APOA5: variants seen among roughly 807,000 people sequenced by gnomAD.
The protein encoded by APOA5 is apolipoprotein A-V.
In APOA5, 26 loss-of-function variants were observed where a neutral mutation model predicts 31.8. That is an observed-to-expected ratio of 0.82 (90% CI 0.60 to 1.13). APOA5 has a LOEUF of 1.13. APOA5 is among the 50% of genes most tolerant of loss of function. The pLI is 0.00. For missense variants in APOA5, 450 were observed against 488.0 expected, an observed-to-expected ratio of 0.92 and a Z score of 0.73; for synonymous variants, 186 against 198.5, an observed-to-expected ratio of 0.94 and a Z score of 0.53.
chr11:116,789,554 C>CATTATAAAA lies in APOA5; in HGVS notation c.*573_*574insTTTTATAAT. The CATTATAAAA allele has an allele frequency of 1.2e-5, 2 of 171,766 alleles. No individual in the cohort carries two copies. The highest frequency in any genetic ancestry group is 2.5e-5 in the Non-Finnish European group (2 of 79,218). The allele number at this position is 171,766 out of a possible 1,614,324, so 10.6% of individuals were successfully genotyped here. A position where few individuals can be genotyped will look rare whatever the true frequency, so the allele number is the denominator to read the frequency against. Reference sequence around the variant, plus strand: ...TATGTCAGGAAACATGGGCTCTGCCCTCTCCTATCACAGCCCACACCTTTC... The same window carrying CATTATAAAA: ...TATGTCAGGAAACATGGGCTCTGCCCATTATAAAATCTCCTATCACAGCCCACACCTTTC... On this transcript the variant is annotated 3_prime_UTR_variant, in exon 3 of 3. Coordinates refer to ENST00000227665, the MANE Select transcript of APOA5 (RefSeq NM_001371904.1).
In APOA5 at chr11:116,790,454, T is replaced by C. The variant is rs758216033; in HGVS notation, c.775A>G (p.Arg259Gly). 8.1e-6 allele frequency: 13 copies of C among 1,604,086 alleles called. No individual in the cohort carries two copies. Among genetic ancestry groups the C allele is most frequent in the South Asian group, 1.1e-5 (1 of 91,082 alleles). ...TCAGTCCCAGTGCCTGCAAAGGCTC[T>C]GCTGAGCTCTTCGCGCAGCTGGTCC... ...NLDQLREELS[R>G]AFAGTGTEEG... Residue 259 changes from arginine to glycine, a missense_variant, in exon 3 of 3, where the codon AGA (arginine) becomes GGA (glycine). Coordinates refer to ENST00000227665, the MANE Select transcript of APOA5 (RefSeq NM_001371904.1).
chr11:116,790,449 G>T lies in APOA5; in HGVS notation c.780C>A (p.Ala260=). The change falls in exon 3 of 3, where the codon GCC becomes GCA. Residue 260 remains alanine (A), a synonymous_variant. Transcript: ENST00000227665. ...CTTCCTCAGTCCCAGTGCCTGCAAA[G>T]GCTCTGCTGAGCTCTTCGCGCAGCT... is the stretch of plus-strand genomic sequence containing the variant. The part of the protein sequence containing the change: ...LDQLREELSR[A]FAGTGTEEGA... 1.2e-6 allele frequency: 2 copies of T among 1,604,432 alleles called. No individual in the cohort carries two copies. Among genetic ancestry groups the T allele is most frequent in the Non-Finnish European group, 1.7e-6 (2 of 1,179,968 alleles).
chr11:116,789,748 A>T lies in APOA5; in HGVS notation c.*380T>A. 3 of 344,928 alleles carry T rather than the reference A, an allele frequency of 8.7e-6. No homozygotes were observed. The highest frequency in any genetic ancestry group is 7.8e-5 in the South Asian group (3 of 38,248). 21.4% of individuals were successfully genotyped at this position (344,928 alleles called of 1,614,324 possible). ...TAGCAGTGGCCACCAGGCAGCCAGA[A>T]GTGACTAGAGCCAAACTCCAGGATG... On this transcript the variant is annotated 3_prime_UTR_variant, in exon 3 of 3. Transcript: ENST00000227665.
rs1365337213 is a variant in APOA5, at chr11:116,791,635, TG to T, written c.111del (p.Asp37GlufsTer20). On this transcript the variant is annotated frameshift_variant, in exon 2 of 3. Transcript: ENST00000227665. LOFTEE classifies it high-confidence loss of function. ...FWDYFSQTSG[D>X]KGRVEQIHQQ... ...TGATGGATCTGCTCCACCCTGCCTT[TG>T]TCCCCGCTGGTCTGGCTGAAGTAGT... 1.2e-6 allele frequency: 2 copies of T among 1,610,348 alleles called. No homozygotes were observed. The highest frequency in any genetic ancestry group is 1.7e-5 in the Admixed American group (1 of 59,642).
chr11:116,790,169 T>G lies in APOA5; in HGVS notation c.1060A>C (p.Ser354Arg). Residue 354 changes from serine to arginine, a missense_variant, in exon 3 of 3, where the codon AGC becomes CGC. Coordinates refer to ENST00000227665, the MANE Select transcript of APOA5 (RefSeq NM_001371904.1). ...LDDLWEDITH[S>R]LHDQGHSHLG... ...TGGCTGTGGCCCTGGTCATGAAGGC[T>G]GTGAGTGATGTCTTCCCACAGGTCA... 1 of 1,614,216 alleles carries G rather than the reference T, an allele frequency of 6.2e-7. No individual in the cohort carries two copies. Among genetic ancestry groups the G allele is most frequent in the Non-Finnish European group, 8.5e-7 (1 of 1,180,024 alleles).
At chr11:116,791,565 C>A (rs765694428) in intron 2 of APOA5, 21 bp downstream of exon 2, 4 of 1,582,940 alleles carry the variant, frequency 2.5e-6, no homozygotes, top group Non-Finnish European at 3.4e-6. Context: ...TTCGCCTACA[C>A]CCCTTCCCCT....
At chr11:116,791,520 C>A in intron 2 of APOA5, 66 bp downstream of exon 2, 5 of 1,451,568 alleles carry the variant, frequency 3.4e-6, no homozygotes, top group Non-Finnish European at 3.8e-6. Context: ...GCAGCAGAGG[C>A]AGGTCATCAT....
At position 116,790,394 on chromosome 11, in the gene APOA5, C is replaced by T. The variant is rs1017355725; in HGVS notation, c.835G>A (p.Glu279Lys). 1.9e-6 allele frequency: 3 copies of T among 1,610,506 alleles called. No homozygotes were observed. Among genetic ancestry groups the T allele is most frequent in the Admixed American group, 1.7e-5 (1 of 60,010 alleles). ...GAGPDPQMLS[E>K]EVRQRLQAFR... ...GCCTGAAGTCGCTGGCGCACCTCCT[C>T]GGAGAGCATCTGGGGGTCCGGGCCG... The change falls in exon 3 of 3, where the codon GAG (glutamate) becomes AAG (lysine). Residue 279 changes from glutamate to lysine, a missense_variant. By Grantham distance (56) the Glu-to-Lys change is moderately conservative. Coordinates refer to ENST00000227665, the MANE Select transcript of APOA5 (RefSeq NM_001371904.1).
At position 116,791,362 on chromosome 11, in the gene APOA5, C is replaced by A. The variant is rs1259933789; in HGVS notation, c.161+224G>T. On this transcript the variant is annotated intron_variant, in intron 2 of 2. Coordinates refer to ENST00000227665, the MANE Select transcript of APOA5 (RefSeq NM_001371904.1). ...CTCCCGATTGATCCCAGGTCCCGCG[C>A]CTCAGTGAGCAAGGGGGCAACAGCT... 14 of 704,092 alleles carry A rather than the reference C, an allele frequency of 2.0e-5. No homozygotes were observed. The East Asian group carries it at 3.5e-4, about 18-fold the overall frequency. 43.6% of individuals were successfully genotyped at this position (704,092 alleles called of 1,614,324 possible).
In APOA5 at chr11:116,790,028, T is replaced by A; in HGVS notation, c.*100A>T. ...CTGTCCTGCACAGGACCTTCCACCC[T>A]CCACCCAACAGGCCACTTTCAAGGA... is the stretch of plus-strand genomic sequence containing the variant. On this transcript the variant is annotated 3_prime_UTR_variant, in exon 3 of 3. Coordinates refer to ENST00000227665, the MANE Select transcript of APOA5 (RefSeq NM_001371904.1). 7.5e-7 allele frequency: 1 copy of A among 1,340,252 alleles called. No individual in the cohort carries two copies. The highest frequency in any genetic ancestry group is 1.0e-6 in the Non-Finnish European group (1 of 956,678). 83.0% of individuals were successfully genotyped at this position (1,340,252 alleles called of 1,614,324 possible).
At position 116,789,868 on chromosome 11, in the gene APOA5, T is replaced by C. The variant is rs1940960991; in HGVS notation, c.*260A>G. 3.5e-6 allele frequency: 2 copies of C among 567,940 alleles called. No individual in the cohort carries two copies. Among genetic ancestry groups the C allele is most frequent in the South Asian group, 2.0e-5 (1 of 49,674 alleles). 35.2% of individuals were successfully genotyped at this position (567,940 alleles called of 1,614,324 possible). A position where few individuals can be genotyped will look rare whatever the true frequency, so the allele number is the denominator to read the frequency against. On this transcript the variant is annotated 3_prime_UTR_variant, in exon 3 of 3. Transcript: ENST00000227665. ...CCCTCCCTACTCCCTCACCCTTGAATGGAGTAACTCATGAGCATTCCCAAA... is the reference window on the plus strand; with the variant it reads ...CCCTCCCTACTCCCTCACCCTTGAACGGAGTAACTCATGAGCATTCCCAAA...
upstream of APOA5, chr11:116,792,328 C>T (rs1399755884): frequency 1.8e-5 from 5 of 275,084 alleles, no homozygotes; most frequent in Non-Finnish European, 2.9e-5. Flanking sequence ...AGGCCACCTG[C>T]AATGCCCTCC....
At chr11:116,791,175 C>T (rs1941004176) in intron 2 of APOA5, 108 bp from the exon 3 acceptor site, 2 of 1,044,398 alleles carry the variant, frequency 1.9e-6, no homozygotes, top group Non-Finnish European at 2.9e-6. Context: ...GGACGCAGGG[C>T]GTTGGCCCCA....
rs1348080412 is a variant in APOA5 at position 116,790,737 on chromosome 11, C to G, written c.492G>C (p.Gly164=). The part of the protein sequence containing the change: ...VGEDTKAQLL[G]GVDEAWALLQ... Reference sequence around the variant, plus strand: ...GCAAAGCCCAAGCCTCGTCCACGCCCCCCAGCAACTGGGCCTTGGTGTCTT... The same window carrying G: ...GCAAAGCCCAAGCCTCGTCCACGCCGCCCAGCAACTGGGCCTTGGTGTCTT... The change falls in exon 3 of 3, where the codon GGG becomes GGC. Residue 164 remains glycine, a synonymous_variant. Transcript: ENST00000227665. 6.8e-6 allele frequency: 11 copies of G among 1,613,018 alleles called. No individual in the cohort carries two copies. The highest frequency in any genetic ancestry group is 1.6e-4 in the Middle Eastern group (1 of 6,084).
rs1940961914 is a variant in APOA5 at position 116,789,912 on chromosome 11, G to A, written c.*216C>T. Reference sequence around the variant, plus strand: ...TCCCAAATGAGCACTGGGAGGCTGGGTTTGCAAAGCCTGGTGAATGTAATG... The same window carrying A: ...TCCCAAATGAGCACTGGGAGGCTGGATTTGCAAAGCCTGGTGAATGTAATG... On this transcript the variant is annotated 3_prime_UTR_variant, in exon 3 of 3. Transcript: ENST00000227665. 3 of 612,550 alleles carry A rather than the reference G, an allele frequency of 4.9e-6. No homozygotes were observed. The highest frequency in any genetic ancestry group is 1.9e-5 in the South Asian group (1 of 51,734). The allele number at this position is 612,550 out of a possible 1,614,324, so 37.9% of individuals were successfully genotyped here.
In APOA5 at chr11:116,791,841, A is replaced by C; in HGVS notation, c.20T>G (p.Val7Gly). Residue 7 changes from valine (V) to glycine (G), a missense_variant, in exon 1 of 3, where the codon GTG becomes GGG. Transcript: ENST00000227665. MASMAA[V>G]LTWALALLSA... ...AAGAAGAGCCAGAGCCCAGGTGAGC[A>C]CGGCAGCCATGCTTGCCATTACCTG... The C allele has an allele frequency of 6.2e-7, 1 of 1,614,170 alleles. No homozygotes were observed. The highest frequency in any genetic ancestry group is 2.2e-5 in the East Asian group (1 of 44,886).
In APOA5 at chr11:116,790,445, C is replaced by A. The variant is rs764151068; in HGVS notation, c.784G>T (p.Ala262Ser). The change falls in exon 3 of 3, where the codon GCA (alanine) becomes TCA (serine). Residue 262 changes from alanine to serine, a missense_variant. Physicochemically the swap from Ala to Ser is moderately conservative, Grantham distance 99. Coordinates refer to ENST00000227665, the MANE Select transcript of APOA5 (RefSeq NM_001371904.1). ...GCCCCTTCCTCAGTCCCAGTGCCTG[C>A]AAAGGCTCTGCTGAGCTCTTCGCGC... ...QLREELSRAFAGTGTEEGAGP... is the reference protein window; with the variant it reads ...QLREELSRAFSGTGTEEGAGP... 1 of 1,604,630 alleles carries A rather than the reference C, an allele frequency of 6.2e-7. No homozygotes were observed. Among genetic ancestry groups the A allele is most frequent in the Non-Finnish European group, 8.5e-7 (1 of 1,179,970 alleles).
rs12287066 is a variant in APOA5 at position 116,791,615 on chromosome 11, G to T, written c.132C>A (p.Ile44=). Reference sequence around the variant, plus strand: ...GCTCGCGAGCCATCTTCTGCTGATGGATCTGCTCCACCCTGCCTTTGTCCC... The same window carrying T: ...GCTCGCGAGCCATCTTCTGCTGATGTATCTGCTCCACCCTGCCTTTGTCCC... The part of the protein sequence containing the change: ...TSGDKGRVEQ[I]HQQKMAREPA... Residue 44 remains isoleucine (I), a synonymous_variant, in exon 2 of 3, where the codon ATC becomes ATA. Transcript: ENST00000227665. The T allele has an allele frequency of 0.07, 111,810 of 1,607,526 alleles. 4,814 individuals carry two copies. Among genetic ancestry groups the T allele is most frequent in the African/African-American group, 0.18 (13,210 of 74,842 alleles).
At position 116,790,538 on chromosome 11, in the gene APOA5, G is replaced by A. The variant is rs1174840674; in HGVS notation, c.691C>T (p.Leu231Phe). 5 of 1,598,450 alleles carry A rather than the reference G, an allele frequency of 3.1e-6. No homozygotes were observed. Among genetic ancestry groups the A allele is most frequent in the Non-Finnish European group, 4.2e-6 (5 of 1,176,772 alleles). ...PARLSRCVQV[L>F]SRKLTLKAKA... is the part of the protein sequence containing the mutation. Reference sequence around the variant, plus strand: ...GCCTTGAGCGTGAGCTTCCGGGAGAGCACCTGCACGCAGCGACTGAGGCGC... The same window carrying A: ...GCCTTGAGCGTGAGCTTCCGGGAGAACACCTGCACGCAGCGACTGAGGCGC... The change falls in exon 3 of 3, where the codon CTC (leucine) becomes TTC (phenylalanine). Residue 231 changes from leucine (L) to phenylalanine (F), a missense_variant. Physicochemically the swap from Leu to Phe is conservative, Grantham distance 22. Coordinates refer to ENST00000227665, the MANE Select transcript of APOA5 (RefSeq NM_001371904.1).
Sources: gnomAD v4.1 joint callset for allele counts on GRCh38, gnomAD v4.1.1 for gene constraint, MANE v1.5 for transcripts, NCBI Gene and HGNC (gene_info 2026-07-23, HGNC 2026-07-21) for gene names.